CHD1L: variants seen among roughly 807,000 people sequenced by gnomAD.
CHD1L encodes the protein chromodomain helicase DNA binding protein 1 like.
Under a neutral mutation model 115.9 loss-of-function variants are expected in CHD1L, and 118 were observed. That is an observed-to-expected ratio of 1.02 (90% CI 0.88 to 1.19). CHD1L has a LOEUF of 1.19. Ranked by LOEUF, CHD1L falls within the 50% of genes most tolerant of loss-of-function variation. The pLI, the probability that CHD1L is intolerant of heterozygous loss-of-function variation, is 0.00. For synonymous variants in CHD1L, 411 were observed against 387.1 expected (o/e 1.06, Z -0.72); for missense variants, 1,179 against 1,065.3 (o/e 1.11, Z -1.49).
the CHD1L span, among the ~76,000 whole-genome samples, chr1:147,202,231 G>A: frequency 1.2e-3 from 180 of 150,376 alleles, no homozygotes; most frequent in African/African-American, 4.2e-3. Flanking sequence ...TGGTGCAAAA[G>A]TAATTGCTTA....
rs61756300 is a variant in CHD1L, at chr1:147,291,489, T to G, written c.2328T>G (p.Ser776Arg). 6 of 1,613,614 alleles carry G rather than the reference T, an allele frequency of 3.7e-6. No homozygotes were observed. In the South Asian group the frequency reaches 6.6e-5, roughly 18 times the overall value. ...YELAGKMKDL[S>R]LGGVLLFPVD... is the part of the protein sequence containing the mutation. The stretch of plus-strand genomic sequence containing the variant: ...CTTTCTGTTTTACCTCAGACCTGAG[T>G]TTGGGAGGTGTCCTTTTATTTCCTG... Residue 776 changes from serine (S) to arginine (R), a missense_variant, in exon 20 of 23, where the codon AGT becomes AGG. Coordinates refer to ENST00000369258, the MANE Select transcript of CHD1L (RefSeq NM_004284.6).
chr1:147,208,183 C>G, the CHD1L span, among the ~76,000 whole-genome samples: 5,608 of 152,220 alleles, frequency 0.037, 148 homozygotes, highest in South Asian at 0.095. Context: ...TATGTCTTCT[C>G]TCTGTATTTC....
At chr1:147,257,307 T>C (rs1670463785) in intron 5 of CHD1L, among the ~76,000 whole-genome samples, 1 of 152,196 alleles carries the variant, frequency 6.6e-6, no homozygotes, top group South Asian at 2.1e-4. Flanking sequence ...TTATTTCTTA[T>C]CCAGGTTCCT....
At chr1:147,174,964 C>T in the CHD1L span, 3 of 152,162 alleles carry the variant, frequency 2.0e-5, no homozygotes, top group Non-Finnish European at 4.4e-5. Context: ...ACATGCAAGC[C>T]TTTACACACA....
At chr1:147,232,516 C>G in the CHD1L span, among the ~76,000 whole-genome samples, 1 of 152,120 alleles carries the variant, frequency 6.6e-6, no homozygotes, top group Non-Finnish European at 1.5e-5. Flanking sequence ...GTCTCCCTCT[C>G]CCTCTCTTTC....
At chr1:147,295,384 G>A (rs1687158145) in intron 22 of CHD1L, 47 bp from the exon 23 acceptor site, 1 of 1,290,738 alleles carries the variant, frequency 7.7e-7, no homozygotes, top group Non-Finnish European at 1.1e-6. Context: ...TTTTGGTAAA[G>A]TTGGTTTAAA....
chr1:147,234,550 G>A, the CHD1L span, among the ~76,000 whole-genome samples: 2 of 152,150 alleles, frequency 1.3e-5, no homozygotes, highest in Non-Finnish European at 2.9e-5. Context: ...GCCCACACGT[G>A]GCCTGGCATG....
At chr1:147,197,185 T>C in the CHD1L span, among the ~76,000 whole-genome samples, 1 of 152,204 alleles carries the variant, frequency 6.6e-6, no homozygotes, top group Non-Finnish European at 1.5e-5. Flanking sequence ...CTATTTGTTC[T>C]GTCACTTTCA....
chr1:147,245,754 C>T (rs1666408547), intron 1 of CHD1L, among the ~76,000 whole-genome samples: 1 of 151,708 alleles, frequency 6.6e-6, no homozygotes, highest in South Asian at 2.1e-4. Flanking sequence ...TGCAGTGGCC[C>T]ATTGCAGCCT....
the CHD1L span, among the ~76,000 whole-genome samples, chr1:147,208,129 A>G: frequency 2.0e-5 from 3 of 151,934 alleles, no homozygotes; most frequent in African/African-American, 4.8e-5. Context: ...TATCTTATAG[A>G]AAGTCCTCAG....
the CHD1L span, among the ~76,000 whole-genome samples, chr1:147,182,102 C>G: frequency 1.3e-5 from 2 of 152,150 alleles, no homozygotes; most frequent in African/African-American, 4.8e-5. Flanking sequence ...AGAGATCTAC[C>G]TCAACATTCA....
chr1:147,284,651 C>T (rs1439643908), intron 16 of CHD1L, 152 bp downstream of exon 16: 5 of 688,738 alleles, frequency 7.3e-6, no homozygotes, highest in South Asian at 2.5e-5. Flanking sequence ...TTAACTATAC[C>T]CTAGTATAAA....
the CHD1L span, chr1:147,187,350 A>T: frequency 1.3e-6 from 1 of 756,052 alleles, no homozygotes; most frequent in African/African-American, 1.8e-5. Context: ...TCAGACTAGG[A>T]GCTGTGGAAT....
the CHD1L span, among the ~76,000 whole-genome samples, chr1:147,207,077 C>A: frequency 6.6e-6 from 1 of 151,254 alleles, no homozygotes. Flanking sequence ...GGGGATATTG[C>A]CAATGTATTA....
the CHD1L span, chr1:147,186,543 C>G: frequency 2.0e-6 from 2 of 1,006,218 alleles, no homozygotes; most frequent in Non-Finnish European, 2.4e-6. Context: ...GATTTTATAC[C>G]GATGCTGACT....
At chr1:147,184,432 T>C in the CHD1L span, 4 of 1,392,986 alleles carry the variant, frequency 2.9e-6, no homozygotes, top group East Asian at 1.1e-4. This position sits in a 1 kb window ranked among gnomAD's most constrained non-coding sequence, Gnocchi z 4.4. Flanking sequence ...CCTTAATTTT[T>C]ACTTAAAGTT....
chr1:147,175,989 T>C, the CHD1L span: 126 of 150,710 alleles, frequency 8.4e-4, no homozygotes, highest in Middle Eastern at 3.0e-3. Flanking sequence ...CAAAAGGGCA[T>C]GAAGAAATTT....
At chr1:147,195,988 G>T in the CHD1L span, among the ~76,000 whole-genome samples, 1 of 152,170 alleles carries the variant, frequency 6.6e-6, no homozygotes, top group Admixed American at 6.5e-5. Context: ...TTGCACCACT[G>T]GACCAAGCTC....
chr1:147,280,152 C>T lies in CHD1L; in HGVS notation c.1666C>T (p.Pro556Ser). The T allele has an allele frequency of 6.2e-7, 1 of 1,611,480 alleles. No individual in the cohort carries two copies. The highest frequency in any genetic ancestry group is 1.1e-5 in the South Asian group (1 of 90,626). Residue 556 changes from proline to serine, a missense_variant, in exon 15 of 23, where the codon CCT (proline) becomes TCT (serine). By Grantham distance (74) the Pro-to-Ser change is moderately conservative (BLOSUM62 -1). Coordinates refer to ENST00000369258, the MANE Select transcript of CHD1L (RefSeq NM_004284.6). ...TGGCCAGTGGGTCTCTGATGCCTTG[C>T]CTGCAGCAGAAGGAGGGAGCAGAGA... ...KDGQWVSDALPAAEGGSRDQE... is the reference protein window; with the variant it reads ...KDGQWVSDALSAAEGGSRDQE...
Sources: gnomAD v4.1 joint callset for allele counts (sites outside exome capture counted in the v4.1 genomes callset) on GRCh38, gnomAD v4.1.1 for gene constraint, Gnocchi (gnomAD v3.1) non-coding constraint, MANE v1.5 for transcripts, NCBI Gene and HGNC (gene_info 2026-07-23, HGNC 2026-07-21) for gene names.